INF2: variants seen among roughly 807,000 people sequenced by gnomAD.
INF2 encodes inverted formin-2.
Under a neutral mutation model 123.5 loss-of-function variants are expected in INF2, and 43 were observed. The ratio of observed to expected loss-of-function variants is 0.35; its 90% CI spans 0.27 to 0.45. The LOEUF (loss-of-function observed/expected upper bound fraction) is 0.45, where lower values mean the gene tolerates loss of function less well. Among genes scored for constraint, INF2 ranks in the 20% least tolerant of loss-of-function variants. The pLI is 1.00. For missense variants in INF2, 1,453 were observed against 1,682.7 expected (o/e 0.86, Z 2.39); for synonymous variants, 851 against 745.0 (o/e 1.14, Z -2.32).
chr14:104,703,008 T>C, intron 2 of INF2, 97 bp from the exon 3 acceptor site: 1 of 1,003,538 alleles, frequency 1.0e-6, no homozygotes, highest in East Asian at 2.6e-5. Context: ...CCCTGGCGTC[T>C]GCCTGCCAGG....
intron 16 of INF2, 29 bp from the exon 17 acceptor site, chr14:104,712,404 G>C: frequency 6.2e-7 from 1 of 1,611,584 alleles, no homozygotes. Context: ...AGCCGTTGCT[G>C]TCTCTGCCCG....
intron 1 of INF2, chr14:104,683,939 G>A (rs1403138768): frequency 2.4e-6 from 1 of 420,984 alleles, no homozygotes; most frequent in East Asian, 7.1e-5. Flanking sequence ...TGGGGTGCGG[G>A]TGGGTCTCAG....
intron 1 of INF2, among the ~76,000 whole-genome samples, chr14:104,697,270 C>T (rs978331454): frequency 6.6e-6 from 1 of 152,190 alleles, no homozygotes; most frequent in Non-Finnish European, 1.5e-5. Context: ...TCCTGGGAGG[C>T]AAGTGAGGGA....
chr14:104,715,974 AC>A, intron 22 of INF2: 1 of 455,906 alleles, frequency 2.2e-6, no homozygotes, highest in Non-Finnish European at 4.4e-6. Context: ...CCCCCCGCAC[AC>A]CGAGTCTTCT....
upstream of INF2, chr14:104,689,356 C>A: frequency 1.4e-6 from 1 of 740,270 alleles, no homozygotes; most frequent in Non-Finnish European, 1.7e-6. Flanking sequence ...GGGAGACGGC[C>A]CCGATCTGCG....
In INF2 at chr14:104,703,297, G is replaced by C; in HGVS notation, c.510G>C (p.Thr170=). The change falls in exon 4 of 23, where the codon ACG becomes ACC. Residue 170 remains threonine (T), a splice_region_variant and synonymous_variant. Transcript: ENST00000392634. The part of the protein sequence containing the change: ...LTLDALDHYK[T]VCSQQYRFSI... ...CCCTGACCCCGCCCTCCCCACAGAC[G>C]GTGTGCAGCCAGCAGTACCGCTTCA... The C allele has an allele frequency of 1.9e-6, 3 of 1,613,054 alleles. No homozygotes were observed. The highest frequency in any genetic ancestry group is 2.5e-6 in the Non-Finnish European group (3 of 1,179,916).
chr14:104,710,020 C>G (rs1212571910), intron 12 of INF2, 68 bp from the exon 13 acceptor site: 3 of 1,327,552 alleles, frequency 2.3e-6, no homozygotes, highest in Non-Finnish European at 3.2e-6. Context: ...GAGCCCTGTG[C>G]TGAGTGCCCC....
intron 1 of INF2, among the ~76,000 whole-genome samples, chr14:104,701,149 CG>C: frequency 6.6e-6 from 1 of 152,254 alleles, no homozygotes; most frequent in South Asian, 2.1e-4. Context: ...CCTGCCGCCT[CG>C]GTTGCTGAAA....
intron 10 of INF2, among the ~76,000 whole-genome samples, chr14:104,708,937 C>A (rs1889911154): frequency 6.6e-6 from 1 of 152,176 alleles, no homozygotes; most frequent in Non-Finnish European, 1.5e-5. Flanking sequence ...CTGGGACCTC[C>A]CCCCACAAGG....
rs1890578747 is a variant in INF2 at position 104,722,318 on chromosome 14, G to GC, written c.*3530dup. 6.6e-6 allele frequency: 1 copy of GC among 152,258 alleles called. No individual in the cohort carries two copies. The allele number at this position is 152,258 out of a possible 1,614,324, so 9.4% of individuals were successfully genotyped here. A position where few individuals can be genotyped will look rare whatever the true frequency, so the allele number is the denominator to read the frequency against. ...GTTCGCCTCTGCAGGGTCAGTCCAAGCCCCCTTAGTGAGGTGGTCTAGCAT... is the reference window on the plus strand; with the variant it reads ...GTTCGCCTCTGCAGGGTCAGTCCAAGCCCCCCTTAGTGAGGTGGTCTAGCAT... On this transcript the variant is annotated 3_prime_UTR_variant, in exon 23 of 23. Coordinates refer to ENST00000392634, the MANE Select transcript of INF2 (RefSeq NM_022489.4).
upstream of INF2, among the ~76,000 whole-genome samples, chr14:104,685,859 A>G (rs1473922543): frequency 3.3e-5 from 3 of 90,530 alleles, no homozygotes; most frequent in Non-Finnish European, 6.4e-5. Context: ...TGGTGGGTGG[A>G]TGGATGGATG....
In INF2 at chr14:104,697,861, C is replaced by A. The variant is rs143802011; in HGVS notation, c.-9-3496C>A. 6.4e-3 allele frequency among the ~76,000 whole-genome samples: 967 copies of A among 152,276 alleles called. 6 individuals carry two copies. Among genetic ancestry groups the A allele is most frequent in the Middle Eastern group, 0.037 (11 of 294 alleles). ...CATCTGCAAAAGACCCTGCCCTGTG[C>A]AGTTCCATTGGTGCTGGTGGACTGC... On this transcript the variant is annotated intron_variant, in intron 1 of 22. Coordinates refer to ENST00000392634, the MANE Select transcript of INF2 (RefSeq NM_022489.4).
chr14:104,705,940 A>C (rs996219183), intron 5 of INF2, 95 bp from the exon 6 acceptor site: 1 of 1,485,012 alleles, frequency 6.7e-7, no homozygotes, highest in Non-Finnish European at 9.2e-7. Flanking sequence ...AGGTGGGCTG[A>C]GCGGGGCTGG....
chr14:104,698,435 G>A (rs932359463), intron 1 of INF2, among the ~76,000 whole-genome samples: 27 of 152,250 alleles, frequency 1.8e-4, no homozygotes, highest in Admixed American at 3.3e-4. Flanking sequence ...GCGGGCGGGG[G>A]AGTGGGAAGC....
chr14:104,712,585 G>A (rs1340025504), intron 17 of INF2, 32 bp downstream of exon 17: 1 of 1,612,306 alleles, frequency 6.2e-7, no homozygotes, highest in South Asian at 1.1e-5. Flanking sequence ...GGGCTGGCGG[G>A]AGAGGCTGCC....
In INF2 at chr14:104,699,532, G is replaced by A. The variant is rs972014597; in HGVS notation, c.-9-1825G>A. On this transcript the variant is annotated intron_variant, in intron 1 of 22. Transcript: ENST00000392634. The surrounding 1 kb of genome is among the most constrained non-coding windows in gnomAD (Gnocchi z 4.7). ...CAGCGATGAGAAGCCAGGGGAGCGT[G>A]AGGAGCAGCCCAGGACAGGGCCCAG... 1.0e-6 allele frequency: 1 copy of A among 985,180 alleles called. No individual in the cohort carries two copies. Among genetic ancestry groups the A allele is most frequent in the African/African-American group, 1.7e-5 (1 of 57,184 alleles). The allele number at this position is 985,180 out of a possible 1,614,324, so 61.0% of individuals were successfully genotyped here.
chr14:104,708,048 G>C, intron 8 of INF2, 46 bp downstream of exon 8: 2 of 1,597,258 alleles, frequency 1.3e-6, no homozygotes, highest in Non-Finnish European at 1.7e-6. Flanking sequence ...TAGGACGGGG[G>C]CTGGTCTCTG....
At chr14:104,689,261 G>C (rs1888802618), upstream of INF2, 1 of 985,234 alleles carries the variant, frequency 1.0e-6, no homozygotes, top group African/African-American at 1.7e-5. Flanking sequence ...CGGCGCCTGG[G>C]AGGCCAGTCC....
chr14:104,700,702 G>A (rs543111922), intron 1 of INF2: 64 of 313,556 alleles, frequency 2.0e-4, no homozygotes, highest in South Asian at 7.6e-4. Flanking sequence ...TGTTGCGACT[G>A]AATCCTGGTA....
Sources: gnomAD v4.1 joint callset for allele counts (sites outside exome capture counted in the v4.1 genomes callset) on GRCh38, gnomAD v4.1.1 for gene constraint, Gnocchi (gnomAD v3.1) non-coding constraint, MANE v1.5 for transcripts, NCBI Gene and HGNC (gene_info 2026-07-23, HGNC 2026-07-21) for gene names.